Variants in DMD observed in about 807,000 individuals in gnomAD.
The protein encoded by DMD is dystrophin.
DMD carries 63 observed loss-of-function variants against 330.1 expected under a neutral mutation model. That is an observed-to-expected ratio of 0.19 (90% confidence interval 0.16 to 0.24). The LOEUF (loss-of-function observed/expected upper bound fraction) is 0.24, where lower values mean the gene tolerates loss of function less well. DMD is among the 10% of genes least tolerant of loss of function. DMD has a pLI of 1.00. For synonymous variants in DMD, 1,223 were observed against 959.8 expected (o/e 1.27, Z -5.07); for missense variants, 3,344 against 2,684.1 (o/e 1.25, Z -5.43).
At chrX:32,830,721 CAT>C (rs1406296731) in intron 4 of DMD, among the ~76,000 whole-genome samples, 2 of 111,852 alleles carry the variant, frequency 1.8e-5, no homozygotes, top group East Asian at 2.8e-4. Context: ...AGATTTTACT[CAT>C]AAAGTAACAT....
At chrX:32,493,841 T>G (rs886430226) in intron 19 of DMD, among the ~76,000 whole-genome samples, 1 of 111,542 alleles carries the variant, frequency 9.0e-6, no homozygotes, top group African/African-American at 3.3e-5. Context: ...ATGTTGAACT[T>G]GAACAAGCAG....
At chrX:31,563,318 C>A (rs188143689) in intron 55 of DMD, among the ~76,000 whole-genome samples, 1 of 111,800 alleles carries the variant, frequency 8.9e-6, no homozygotes, top group Admixed American at 9.5e-5. Flanking sequence ...CCTCAGACTC[C>A]CAAAGTGCTG....
intron 42 of DMD, among the ~76,000 whole-genome samples, chrX:32,289,526 A>C (rs1282922090): frequency 1.8e-5 from 2 of 111,104 alleles, no homozygotes; most frequent in Admixed American, 1.9e-4. Context: ...TCTTAGTCAC[A>C]GGATGAGATA....
At chrX:33,258,350 T>C (rs1435030423) in intron 1 of DMD, among the ~76,000 whole-genome samples, 1 of 111,172 alleles carries the variant, frequency 9.0e-6, no homozygotes, top group African/African-American at 3.2e-5. Flanking sequence ...ATAGTGTAAA[T>C]GTTTAAAAAT....
At chrX:32,685,120 A>G (rs773302551) in intron 9 of DMD, among the ~76,000 whole-genome samples, 1 of 111,439 alleles carries the variant, frequency 9.0e-6, no homozygotes, top group East Asian at 2.8e-4. Context: ...ATAAGCAATT[A>G]TTAAATTAAT....
At chrX:32,590,298 A>G (rs1262123383) in intron 13 of DMD, among the ~76,000 whole-genome samples, 2 of 112,383 alleles carry the variant, frequency 1.8e-5, no homozygotes, top group Admixed American at 9.4e-5. Flanking sequence ...CCTCATGTTT[A>G]ATAATCTGAT....
At position 33,065,567 on chromosome X, in the gene DMD, C is replaced by G. The variant is rs150794828; in HGVS notation, c.32-45367G>C. ...GAAATGTACATGCTGCCTACTGGCA[C>G]CAAAGATTATAAGCCGGTCTCACAA... On this transcript the variant is annotated intron_variant, in intron 1 of 78. Coordinates refer to ENST00000357033, the MANE Select transcript of DMD (RefSeq NM_004006.3). Among the ~76,000 whole-genome samples, 626 of 106,673 alleles carry G rather than the reference C, an allele frequency of 5.9e-3. 6 individuals are homozygous for G. The highest frequency in any genetic ancestry group is 0.02 in the African/African-American group (591 of 29,408). 92.6% of individuals were successfully genotyped at this position (106,673 alleles called of 115,157 possible).
chrX:31,916,554 T>C (rs1016018), intron 47 of DMD, among the ~76,000 whole-genome samples: 8,723 of 111,503 alleles, frequency 0.078, 315 homozygotes, highest in Non-Finnish European at 0.11. Context: ...AAAAAGTGAT[T>C]TTAGAAGATC....
At chrX:32,591,829 T>A (rs1032101184) in intron 13 of DMD, among the ~76,000 whole-genome samples, 2 of 113,055 alleles carry the variant, frequency 1.8e-5, no homozygotes, top group Middle Eastern at 4.2e-3. Flanking sequence ...GAAGCCCCCC[T>A]GCCTCCACAT....
intron 56 of DMD, 67 bp downstream of exon 56, chrX:31,507,213 TA>T: frequency 9.2e-7 from 1 of 1,091,447 alleles, no homozygotes; most frequent in Non-Finnish European, 1.3e-6. Context: ...TTACTTGTGC[TA>T]AGACAATGAG....
chrX:32,726,808 A>G (rs2066936561), intron 7 of DMD, among the ~76,000 whole-genome samples: 1 of 110,827 alleles, frequency 9.0e-6, no homozygotes, highest in Admixed American at 9.7e-5. Flanking sequence ...ATTATCACAT[A>G]TTCAAAGAAA....
intron 7 of DMD, 110 bp downstream of exon 7, chrX:32,809,383 G>A: frequency 1.5e-6 from 1 of 645,334 alleles, no homozygotes. Context: ...CTACAGTATT[G>A]GAAAACTTAA....
rs771219686 is a variant in DMD at position 32,767,750 on chromosome X, A to C, written c.649+41743T>G. Among the ~76,000 whole-genome samples, 3 of 111,920 alleles carry C rather than the reference A, an allele frequency of 2.7e-5. No individual in the cohort carries two copies. The Admixed American group carries it at 2.9e-4, about 11-fold the overall frequency. The stretch of plus-strand genomic sequence containing the variant: ...CTATAAAACATTATGCAAGTATTTG[A>C]TTCTACTGTCACAAGAACCGATGCT... On this transcript the variant is annotated intron_variant, in intron 7 of 78. Coordinates refer to ENST00000357033, the MANE Select transcript of DMD (RefSeq NM_004006.3).
chrX:32,827,664 T>C (rs1283288839), intron 4 of DMD, among the ~76,000 whole-genome samples: 1 of 104,670 alleles, frequency 9.6e-6, no homozygotes, highest in Admixed American at 1.0e-4. Flanking sequence ...ACTCCCCTTT[T>C]TTTTTTTTTT....
intron 13 of DMD, among the ~76,000 whole-genome samples, chrX:32,593,392 G>T (rs145133095): frequency 8.9e-6 from 1 of 112,006 alleles, no homozygotes; most frequent in African/African-American, 3.2e-5. Context: ...TTTAACATTT[G>T]CTCATTTTTA....
chrX:32,167,411 C>T (rs1236392270), intron 44 of DMD, among the ~76,000 whole-genome samples: 1 of 111,587 alleles, frequency 9.0e-6, no homozygotes, highest in East Asian at 2.8e-4. Flanking sequence ...TGATGTTGGT[C>T]CAGTTTCTTA....
At chrX:32,248,425 G>A (rs1325574) in intron 43 of DMD, among the ~76,000 whole-genome samples, 38,443 of 109,089 alleles carry the variant, frequency 0.35, 5,632 homozygotes, top group African/African-American at 0.55. Context: ...CTTTTTTGGA[G>A]CTGTTTACAT....
chrX:32,837,708 T>C (rs1398543714), intron 4 of DMD, among the ~76,000 whole-genome samples: 3 of 111,946 alleles, frequency 2.7e-5, no homozygotes, highest in Non-Finnish European at 5.6e-5. Context: ...CTTAAAATTG[T>C]ATAGTGAATG....
At chrX:31,196,418 G>T (rs1157899247) in intron 67 of DMD, among the ~76,000 whole-genome samples, 1 of 111,188 alleles carries the variant, frequency 9.0e-6, no homozygotes, top group Non-Finnish European at 1.9e-5. Flanking sequence ...GGGTGTAAAA[G>T]GAATGTCTAT....
Sources: allele counts gnomAD v4.1 joint callset (sites outside exome capture counted in the v4.1 genomes callset), GRCh38; gene constraint gnomAD v4.1.1; transcripts MANE v1.5; gene names NCBI Gene and HGNC (gene_info 2026-07-23, HGNC 2026-07-21).